The following CLVS1 variants were observed in gnomAD, a reference collection of about 807,000 sequenced individuals.
The protein encoded by CLVS1 is clavesin 1.
CLVS1 carries 10 observed loss-of-function variants against 33.1 expected under a neutral mutation model. The ratio of observed to expected loss-of-function variants is 0.30; its 90% confidence interval spans 0.19 to 0.51. CLVS1 has a LOEUF of 0.51. Ranked by LOEUF, CLVS1 falls within the 20% of genes least tolerant of loss-of-function variation. CLVS1 has a pLI of 0.97. For missense variants in CLVS1, 343 were observed against 433.4 expected (o/e 0.79, Z 1.85); for synonymous variants, 163 against 166.1 (o/e 0.98, Z 0.14).
chr8:61,151,402 AT>A (rs1423133709), intron 2 of CLVS1, among the ~76,000 whole-genome samples: 1 of 152,132 alleles, frequency 6.6e-6, no homozygotes, highest in African/African-American at 2.4e-5. Flanking sequence ...TATTCTCCCC[AT>A]TTTAGTCATG....
At chr8:61,105,725 TAAAAGTGCAA>T (rs1319023917) in intron 1 of CLVS1, among the ~76,000 whole-genome samples, 2 of 152,182 alleles carry the variant, frequency 1.3e-5, no homozygotes, top group Non-Finnish European at 2.9e-5. Context: ...TATAGGACAT[TAAAAGTGCAA>T]TCATGTTAGG....
At chr8:61,001,476 T>C in the CLVS1 span, among the ~76,000 whole-genome samples, 1 of 152,386 alleles carries the variant, frequency 6.6e-6, no homozygotes, top group Non-Finnish European at 1.5e-5. Flanking sequence ...TTTGCTTTCA[T>C]AAGATTTACA....
At chr8:61,320,557 T>G (rs1409367087) in intron 2 of CLVS1, among the ~76,000 whole-genome samples, 3 of 152,192 alleles carry the variant, frequency 2.0e-5, no homozygotes, top group Non-Finnish European at 2.9e-5. Flanking sequence ...TAAACTAGCA[T>G]CTAAACAACA....
At chr8:61,208,880 C>G (rs908205853) in intron 2 of CLVS1, among the ~76,000 whole-genome samples, 2 of 152,352 alleles carry the variant, frequency 1.3e-5, no homozygotes, top group Non-Finnish European at 2.9e-5. Context: ...GCCAGCACAC[C>G]TGGCCTTTTC....
At chr8:61,207,055 C>G (rs997661830) in intron 2 of CLVS1, among the ~76,000 whole-genome samples, 1 of 152,180 alleles carries the variant, frequency 6.6e-6, no homozygotes, top group Non-Finnish European at 1.5e-5. Flanking sequence ...AAAGAGCTCA[C>G]GAAGCATCTT....
At chr8:60,983,346 T>G in the CLVS1 span, among the ~76,000 whole-genome samples, 2 of 152,242 alleles carry the variant, frequency 1.3e-5, no homozygotes, top group Non-Finnish European at 2.9e-5. Flanking sequence ...ATGTTGTATG[T>G]GTGCCAACAT....
intron 2 of CLVS1, among the ~76,000 whole-genome samples, chr8:61,266,158 T>C (rs1809298740): frequency 6.6e-6 from 1 of 152,154 alleles, no homozygotes; most frequent in South Asian, 2.1e-4. Flanking sequence ...AGAAATCCCT[T>C]TACCCTTTGT....
chr8:61,156,254 C>T (rs1029533244), intron 2 of CLVS1, among the ~76,000 whole-genome samples: 15 of 145,800 alleles, frequency 1.0e-4, no homozygotes, highest in Non-Finnish European at 2.0e-4. Context: ...GGCTTTCCTA[C>T]CCTCACCCTC....
chr8:61,313,353 A>T (rs1181301199), intron 2 of CLVS1, among the ~76,000 whole-genome samples: 1 of 152,200 alleles, frequency 6.6e-6, no homozygotes, highest in Non-Finnish European at 1.5e-5. Context: ...GAGCACAGAA[A>T]ATAAGGACCC....
At chr8:61,033,115 G>GA in the CLVS1 span, among the ~76,000 whole-genome samples, 32 of 44,062 alleles carry the variant, frequency 7.3e-4, 4 homozygotes, top group Admixed American at 3.8e-3. Flanking sequence ...AAGAAAGAAG[G>GA]AAGGAAGAAA....
chr8:61,156,434 T>G (rs1806651003), intron 2 of CLVS1, among the ~76,000 whole-genome samples: 1 of 152,202 alleles, frequency 6.6e-6, no homozygotes, highest in Non-Finnish European at 1.5e-5. Flanking sequence ...CTTTTTTTTC[T>G]ATTAGTCTGT....
chr8:61,291,314 T>G (rs1809982450), intron 1 of CLVS1, among the ~76,000 whole-genome samples: 1 of 152,206 alleles, frequency 6.6e-6, no homozygotes, highest in East Asian at 1.9e-4. Flanking sequence ...CAGAAATTTC[T>G]CCACATGTGT....
chr8:61,232,326 G>A (rs760513226), intron 2 of CLVS1, among the ~76,000 whole-genome samples: 4 of 151,988 alleles, frequency 2.6e-5, no homozygotes, highest in Admixed American at 6.6e-5. Flanking sequence ...GTGAGCCACC[G>A]CGCCTGGCCG....
intron 2 of CLVS1, among the ~76,000 whole-genome samples, chr8:61,322,581 G>A (rs1811233979): frequency 6.6e-6 from 1 of 152,040 alleles, no homozygotes; most frequent in Admixed American, 6.6e-5. Flanking sequence ...ACCCAAAGAG[G>A]GTTTTACTCA....
At chr8:61,049,142 A>C in the CLVS1 span, among the ~76,000 whole-genome samples, 2 of 152,182 alleles carry the variant, frequency 1.3e-5, no homozygotes, top group African/African-American at 2.4e-5. Flanking sequence ...AATTTTCACA[A>C]GGACATTATA....
intron 5 of CLVS1, among the ~76,000 whole-genome samples, chr8:61,484,947 G>A (rs919840533): frequency 3.9e-5 from 6 of 152,166 alleles, no homozygotes; most frequent in Non-Finnish European, 7.3e-5. Flanking sequence ...ATTAATTCAA[G>A]ATGGATTAAA....
intron 5 of CLVS1, among the ~76,000 whole-genome samples, chr8:61,493,079 G>A (rs4738901): frequency 0.55 from 83,197 of 152,048 alleles, 26,487 homozygotes; most frequent in Non-Finnish European, 0.71. Context: ...TTAAGCAGAT[G>A]GAAATTTCTG....
At chr8:61,369,516 AC>A (rs1813348264) in intron 2 of CLVS1, among the ~76,000 whole-genome samples, 1 of 152,224 alleles carries the variant, frequency 6.6e-6, no homozygotes, top group Non-Finnish European at 1.5e-5. Context: ...TCACCTGGAA[AC>A]AAAACAATTA....
chr8:61,414,129 G>A (rs754584130), intron 3 of CLVS1, among the ~76,000 whole-genome samples: 8 of 152,164 alleles, frequency 5.3e-5, no homozygotes, highest in Non-Finnish European at 1.5e-5. Flanking sequence ...AATAAATCTG[G>A]CTTCCTGCCC....
Sources: gnomAD v4.1 joint callset for allele counts (sites outside exome capture counted in the v4.1 genomes callset) on GRCh38, gnomAD v4.1.1 for gene constraint, MANE v1.5 for transcripts, NCBI Gene and HGNC (gene_info 2026-07-23, HGNC 2026-07-21) for gene names.